Variants in SHISAL1 observed in about 807,000 individuals in gnomAD.
The protein encoded by SHISAL1 is protein shisa-like-1.
SHISAL1 carries 9 observed loss-of-function variants against 22.6 expected under a neutral mutation model. The observed-to-expected ratio is 0.40, with a 90% CI of 0.24 to 0.70. SHISAL1 has a LOEUF of 0.70. SHISAL1 is among the 30% of genes least tolerant of loss of function. The pLI, the probability that SHISAL1 is intolerant of heterozygous loss-of-function variation, is 0.39. For missense variants in SHISAL1, 246 were observed against 270.6 expected (o/e 0.91, Z 0.64); for synonymous variants, 119 against 115.4 (o/e 1.03, Z -0.20).
intron 1 of SHISAL1, among the ~76,000 whole-genome samples, chr22:44,303,926 C>T (rs145656325): frequency 0.02 from 2,969 of 152,220 alleles, 46 homozygotes; most frequent in Middle Eastern, 0.048. Flanking sequence ...ATCCTGTCCA[C>T]GCCAGGTGAG....
chr22:44,257,282 A>G (rs1398619158), intron 4 of SHISAL1, among the ~76,000 whole-genome samples: 1 of 152,244 alleles, frequency 6.6e-6, no homozygotes, highest in Non-Finnish European at 1.5e-5. Context: ...GGTTAACAGC[A>G]GAAGATTCGG....
At chr22:44,303,350 T>G (rs1366334553) in intron 1 of SHISAL1, among the ~76,000 whole-genome samples, 1 of 151,978 alleles carries the variant, frequency 6.6e-6, no homozygotes, top group African/African-American at 2.4e-5. Flanking sequence ...CGGAGGTCAT[T>G]AGTTAAGATG....
At chr22:44,318,113 C>T in the SHISAL1 span, among the ~76,000 whole-genome samples, 7 of 152,216 alleles carry the variant, frequency 4.6e-5, no homozygotes, top group Admixed American at 2.0e-4. Flanking sequence ...ACCGTGGGGG[C>T]GGGGAAGTCC....
At chr22:44,251,091 C>T (rs1189279964) in intron 4 of SHISAL1, among the ~76,000 whole-genome samples, 1 of 152,192 alleles carries the variant, frequency 6.6e-6, no homozygotes, top group African/African-American at 2.4e-5. Flanking sequence ...TAGCACACAC[C>T]TCCATCCAGC....
At chr22:44,284,897 G>GCCTGCCTGCCTTCCTTCCTTCCTT (rs570595554) in intron 4 of SHISAL1, among the ~76,000 whole-genome samples, 4,859 of 134,506 alleles carry the variant, frequency 0.036, 113 homozygotes, top group Middle Eastern at 0.047. Context: ...CTGCCTTCCT[G>GCCTGCCTGCCTTCCTTCCTTCCTT]CCTTCCTTCC....
chr22:44,283,915 T>C (rs1233365321), intron 4 of SHISAL1, among the ~76,000 whole-genome samples: 1 of 152,004 alleles, frequency 6.6e-6, no homozygotes, highest in African/African-American at 2.4e-5. Context: ...CACTCTTGGG[T>C]CCTGCCAACA....
intron 4 of SHISAL1, among the ~76,000 whole-genome samples, chr22:44,263,801 T>C (rs2055143254): frequency 6.6e-6 from 1 of 152,248 alleles, no homozygotes; most frequent in South Asian, 2.1e-4. Context: ...GGCCCCGTGC[T>C]GCTGATGCCT....
intron 4 of SHISAL1, among the ~76,000 whole-genome samples, chr22:44,276,084 C>T (rs1372115167): frequency 2.0e-5 from 3 of 152,208 alleles, no homozygotes; most frequent in African/African-American, 4.8e-5. Context: ...ACAAAGCAAA[C>T]GTGATGTCAG....
chr22:44,260,267 C>G (rs189715449), intron 4 of SHISAL1, among the ~76,000 whole-genome samples: 4 of 152,348 alleles, frequency 2.6e-5, no homozygotes, highest in African/African-American at 9.6e-5. Flanking sequence ...TTTCTTTCTA[C>G]TAGACCTCGT....
the SHISAL1 span, among the ~76,000 whole-genome samples, chr22:44,323,260 ACCATCCAT>A: frequency 1.6e-4 from 18 of 109,110 alleles, no homozygotes; most frequent in East Asian, 3.3e-4. Context: ...TCATCCATCC[ACCATCCAT>A]CCATCCATCC....
chr22:44,327,365 T>C, the SHISAL1 span, among the ~76,000 whole-genome samples: 1 of 151,894 alleles, frequency 6.6e-6, no homozygotes, highest in Non-Finnish European at 1.5e-5. Context: ...CGAGAAAACC[T>C]GGGCTTGTGG....
chr22:44,300,274 G>C (rs2055419114), intron 2 of SHISAL1, among the ~76,000 whole-genome samples: 1 of 152,126 alleles, frequency 6.6e-6, no homozygotes, highest in African/African-American at 2.4e-5. Flanking sequence ...GGGAGAGGAA[G>C]CCAGAGAGCC....
At chr22:44,323,506 ACCAT>A in the SHISAL1 span, among the ~76,000 whole-genome samples, 6 of 97,984 alleles carry the variant, frequency 6.1e-5, no homozygotes, top group Admixed American at 2.9e-4. Context: ...CCATCCATCA[ACCAT>A]CCATCCATCC....
chr22:44,258,025 A>G (rs1177917319), intron 4 of SHISAL1, among the ~76,000 whole-genome samples: 1 of 152,224 alleles, frequency 6.6e-6, no homozygotes, highest in Admixed American at 6.5e-5. Context: ...CTGTAATCAC[A>G]GCTACTCGGG....
intron 4 of SHISAL1, among the ~76,000 whole-genome samples, chr22:44,257,917 G>C (rs146424093): frequency 6.6e-6 from 1 of 152,152 alleles, no homozygotes. Context: ...CGAGGTGGGC[G>C]GATCACCAGG....
intron 4 of SHISAL1, among the ~76,000 whole-genome samples, chr22:44,274,994 C>T (rs762196294): frequency 3.9e-5 from 6 of 152,210 alleles, no homozygotes; most frequent in Admixed American, 6.5e-5. Flanking sequence ...CTGCAGTTGC[C>T]CACTGGCCCG....
In SHISAL1 at chr22:44,249,072, T is replaced by C. The variant is rs2055027213; in HGVS notation, c.*613A>G. ...TGCTCCCCGAGACACAGAGGGGCCG[T>C]ACCCTGTGCTTAGCAATAAGCTTGC... On this transcript the variant is annotated 3_prime_UTR_variant, in exon 5 of 5. Transcript: ENST00000381176. The C allele has an allele frequency of 6.6e-6, 1 of 151,920 alleles. No homozygotes were observed. Among genetic ancestry groups the C allele is most frequent in the African/African-American group, 2.4e-5 (1 of 41,314 alleles). The allele number at this position is 151,920 out of a possible 1,614,324, so 9.4% of individuals were successfully genotyped here.
At position 44,248,281 on chromosome 22, in the gene SHISAL1, A is replaced by C. The variant is rs1223551001; in HGVS notation, c.*1404T>G. ...AGTGTGAGAACACTAGGTCTGATGA[A>C]ATGAGGAAACTGCGTCAGAGGACAC... is the stretch of plus-strand genomic sequence containing the variant. On this transcript the variant is annotated 3_prime_UTR_variant, in exon 5 of 5. Transcript: ENST00000381176. 3 of 146,008 alleles carry C rather than the reference A, an allele frequency of 2.1e-5. No homozygotes were observed. The highest frequency in any genetic ancestry group is 8.4e-5 in the African/African-American group (3 of 35,598). The allele number at this position is 146,008 out of a possible 1,614,324, so 9.0% of individuals were successfully genotyped here.
chr22:44,261,184 G>C (rs1459321520), intron 4 of SHISAL1, among the ~76,000 whole-genome samples: 3 of 146,316 alleles, frequency 2.1e-5, no homozygotes, highest in Non-Finnish European at 4.5e-5. Flanking sequence ...TAGCTTCTTC[G>C]AGGGTAAAGT....
Sources: allele counts gnomAD v4.1 joint callset (sites outside exome capture counted in the v4.1 genomes callset), GRCh38; gene constraint gnomAD v4.1.1; transcripts MANE v1.5; gene names NCBI Gene and HGNC (gene_info 2026-07-23, HGNC 2026-07-21).